The following PDGFC variants were observed in gnomAD, a reference collection of about 807,000 sequenced individuals.
PDGFC encodes platelet-derived growth factor C.
PDGFC carries 12 observed loss-of-function variants against 35.5 expected under a neutral mutation model. The observed-to-expected ratio is 0.34, with a 90% CI of 0.22 to 0.55. The LOEUF is 0.55. Ranked by LOEUF, PDGFC falls within the 20% of genes least tolerant of loss-of-function variation. The pLI is 0.91. For synonymous variants in PDGFC, 159 were observed against 148.8 expected (o/e 1.07, Z -0.50); for missense variants, 322 against 412.4 (o/e 0.78, Z 1.90).
In PDGFC at chr4:156,887,761, C is replaced by T. The variant is rs186443504; in HGVS notation, c.119-37345G>A. ...TGGGTGTAGTGCCACAGGCCTATAA[C>T]CCCTCACTTTGGGAGGCTGAGGTGG... On this transcript the variant is annotated intron_variant, in intron 1 of 5. Coordinates refer to ENST00000502773, the MANE Select transcript of PDGFC (RefSeq NM_016205.3). Among the ~76,000 whole-genome samples the T allele has an allele frequency of 1.3e-3, 199 of 152,104 alleles. 1 individual carries two copies. The highest frequency in any genetic ancestry group is 4.5e-3 in the African/African-American group (188 of 41,494).
At chr4:156,780,045 A>G (rs940959932) in intron 3 of PDGFC, among the ~76,000 whole-genome samples, 1 of 152,010 alleles carries the variant, frequency 6.6e-6, no homozygotes, top group Non-Finnish European at 1.5e-5. Context: ...CCATGGGATG[A>G]CTAAATAACA....
At chr4:156,820,342 A>T (rs1003014744) in intron 2 of PDGFC, among the ~76,000 whole-genome samples, 1 of 152,248 alleles carries the variant, frequency 6.6e-6, no homozygotes. Context: ...GTAAGAATCA[A>T]TCAACATGTC....
intron 2 of PDGFC, among the ~76,000 whole-genome samples, chr4:156,847,641 T>C (rs532922860): frequency 1.3e-5 from 2 of 152,002 alleles, no homozygotes; most frequent in African/African-American, 4.8e-5. Flanking sequence ...ATTGATTTCT[T>C]AGTTATGCAA....
intron 1 of PDGFC, among the ~76,000 whole-genome samples, chr4:156,893,058 C>T (rs1026632682): frequency 3.3e-5 from 5 of 152,106 alleles, no homozygotes; most frequent in Admixed American, 6.5e-5. Flanking sequence ...AATCCCTTCT[C>T]AATGATCTAC....
intron 1 of PDGFC, chr4:156,967,876 T>C (rs1026023530): frequency 4.6e-5 from 7 of 152,250 alleles, no homozygotes; most frequent in African/African-American, 1.7e-4. Context: ...TGAAGACTCT[T>C]GTTTTCATAA....
At chr4:156,901,558 A>G (rs1413440768) in intron 1 of PDGFC, among the ~76,000 whole-genome samples, 2 of 151,610 alleles carry the variant, frequency 1.3e-5, no homozygotes, top group South Asian at 4.2e-4. Flanking sequence ...ATTGGTAGCG[A>G]GAGAGAGAGA....
intron 2 of PDGFC, among the ~76,000 whole-genome samples, chr4:156,825,870 CTT>C (rs539377092): frequency 3.2e-5 from 4 of 125,624 alleles, no homozygotes; most frequent in Non-Finnish European, 4.7e-5. Flanking sequence ...ATGCAATTTT[CTT>C]TTTTTTTTTT....
At chr4:156,773,799 A>C (rs1730749505) in intron 3 of PDGFC, 1 of 152,216 alleles carries the variant, frequency 6.6e-6, no homozygotes, top group Non-Finnish European at 1.5e-5. Context: ...TAGGCACAAC[A>C]CTTTAGCTGA....
intron 1 of PDGFC, among the ~76,000 whole-genome samples, chr4:156,935,173 T>C (rs1018478157): frequency 4.6e-5 from 7 of 152,124 alleles, no homozygotes; most frequent in African/African-American, 1.7e-4. Context: ...AATTTTTGTA[T>C]TTTTCATACA....
chr4:156,875,867 A>G (rs1263621343), intron 1 of PDGFC, among the ~76,000 whole-genome samples: 1 of 152,192 alleles, frequency 6.6e-6, no homozygotes. Context: ...TGGGTGACAG[A>G]GCAAAACCCT....
intron 1 of PDGFC, among the ~76,000 whole-genome samples, chr4:156,883,576 A>AC (rs1448412616): frequency 2.0e-5 from 3 of 152,224 alleles, no homozygotes; most frequent in Non-Finnish European, 4.4e-5. Context: ...TACACTGCCC[A>AC]CTTAACAATA....
chr4:156,962,491 G>C (rs1252739568), intron 1 of PDGFC, among the ~76,000 whole-genome samples: 2 of 152,138 alleles, frequency 1.3e-5, no homozygotes, highest in Non-Finnish European at 2.9e-5. Context: ...AGACCATGAA[G>C]TAAAAGGAAG....
intron 2 of PDGFC, 55 bp from the exon 3 acceptor site, chr4:156,811,072 T>C: frequency 8.0e-7 from 1 of 1,242,864 alleles, no homozygotes; most frequent in South Asian, 1.6e-5. Flanking sequence ...ATTCTGGCAA[T>C]TACAAGTTTC....
chr4:156,905,174 A>G (rs991722698), intron 1 of PDGFC, among the ~76,000 whole-genome samples: 1 of 152,080 alleles, frequency 6.6e-6, no homozygotes, highest in Non-Finnish European at 1.5e-5. Flanking sequence ...AATAAATACT[A>G]ATTTCAAATA....
chr4:156,966,638 A>C (rs1732473163), intron 1 of PDGFC, among the ~76,000 whole-genome samples: 1 of 152,182 alleles, frequency 6.6e-6, no homozygotes, highest in Non-Finnish European at 1.5e-5. Flanking sequence ...TTTAAGAAAT[A>C]AGTTTCAGGA....
chr4:156,837,916 C>T (rs1045379705), intron 2 of PDGFC, among the ~76,000 whole-genome samples: 2 of 152,064 alleles, frequency 1.3e-5, no homozygotes, highest in Non-Finnish European at 2.9e-5. Context: ...AGAGCAGAAT[C>T]CCTTGATCTC....
At chr4:156,806,655 G>T (rs1054216588) in intron 3 of PDGFC, among the ~76,000 whole-genome samples, 2 of 151,888 alleles carry the variant, frequency 1.3e-5, no homozygotes, top group Non-Finnish European at 2.9e-5. Context: ...AATAGGTATG[G>T]TTTAATTGAA....
intron 3 of PDGFC, among the ~76,000 whole-genome samples, chr4:156,810,069 C>T (rs1023844297): frequency 2.0e-5 from 3 of 151,746 alleles, no homozygotes; most frequent in Non-Finnish European, 4.4e-5. Context: ...TAAAAGTATA[C>T]TAAACAGATT....
At chr4:156,768,123 T>C (rs1730590564) in intron 4 of PDGFC, 133 bp from the exon 5 acceptor site, 7 of 647,936 alleles carry the variant, frequency 1.1e-5, no homozygotes, top group East Asian at 2.6e-5. Context: ...TCCGCTCTTA[T>C]TGTAAGTAGA....
Sources: allele counts gnomAD v4.1 joint callset (sites outside exome capture counted in the v4.1 genomes callset), GRCh38; gene constraint gnomAD v4.1.1; transcripts MANE v1.5; gene names NCBI Gene and HGNC (gene_info 2026-07-23, HGNC 2026-07-21).